Variants in SYNJ1 observed in about 807,000 individuals in gnomAD.
SYNJ1 encodes the protein synaptojanin 1, also known as polyphosphatidylinositol phosphatase SYNJ1.
In SYNJ1, 78 loss-of-function variants were observed where a neutral mutation model predicts 168.2. The observed-to-expected ratio is 0.46, with a 90% CI of 0.39 to 0.56. The LOEUF (loss-of-function observed/expected upper bound fraction) is 0.56. Ranked by LOEUF, SYNJ1 falls within the 20% of genes least tolerant of loss-of-function variation. The pLI, the probability that SYNJ1 is intolerant of heterozygous loss-of-function variation, is 0.00. For missense variants in SYNJ1, 1,303 were observed against 1,597.6 expected (o/e 0.82, Z 3.14); for synonymous variants, 539 against 548.6 (o/e 0.98, Z 0.24).
intron 19 of SYNJ1, 36 bp from the exon 20 acceptor site, chr21:32,657,156 G>A (rs1163234075): frequency 5.1e-6 from 7 of 1,378,898 alleles, no homozygotes; most frequent in Non-Finnish European, 7.2e-6. Flanking sequence ...AAGAGAAGCT[G>A]TATAAGCAGG....
At chr21:32,656,132 C>A (rs2040446296) in intron 21 of SYNJ1, among the ~76,000 whole-genome samples, 1 of 152,136 alleles carries the variant, frequency 6.6e-6, no homozygotes, top group African/African-American at 2.4e-5. Flanking sequence ...CAATTGTTCA[C>A]ATAAAGTTTC....
At chr21:32,634,992 G>C (rs1406475200) in intron 31 of SYNJ1, 108 bp from the exon 32 acceptor site, 1 of 1,074,948 alleles carries the variant, frequency 9.3e-7, no homozygotes, top group Non-Finnish European at 1.4e-6. Flanking sequence ...GTTACAGACA[G>C]AACCCAAGAG....
At chr21:32,668,624 A>G (rs1385076136) in intron 15 of SYNJ1, among the ~76,000 whole-genome samples, 1 of 152,248 alleles carries the variant, frequency 6.6e-6, no homozygotes, top group African/African-American at 2.4e-5. Flanking sequence ...ATTTCAGCCT[A>G]TAATTTTCTC....
chr21:32,717,069 C>T (rs1009410924), intron 2 of SYNJ1, among the ~76,000 whole-genome samples: 3 of 152,052 alleles, frequency 2.0e-5, no homozygotes, highest in Admixed American at 1.3e-4. Context: ...AAGTAATTCT[C>T]CTGCCTCAGC....
At position 32,685,033 on chromosome 21, in the gene SYNJ1, A is replaced by G. The variant is rs567691587; in HGVS notation, c.1118+715T>C. Among the ~76,000 whole-genome samples the G allele has an allele frequency of 5.1e-3, 777 of 151,710 alleles. 6 individuals are homozygous for G. Among genetic ancestry groups the G allele is most frequent in the African/African-American group, 0.018 (731 of 41,408 alleles). On this transcript the variant is annotated intron_variant, in intron 9 of 32. Transcript: ENST00000674351. ...TCTCTACTAAAAATACAAAAAAAAA[A>G]CAGCCGGGAGTGGTGGCGGGCGCTT... is the stretch of plus-strand genomic sequence containing the variant.
chr21:32,663,804 C>G (rs1450287805), intron 18 of SYNJ1, among the ~76,000 whole-genome samples: 4 of 152,186 alleles, frequency 2.6e-5, no homozygotes, highest in Non-Finnish European at 5.9e-5. Flanking sequence ...CTGGCAGAGC[C>G]TTGACTATAC....
Position 32,699,935 on chromosome 21 carries a change from A to G in SYNJ1, c.382T>C (p.Phe128Leu). 6.2e-7 allele frequency: 1 copy of G among 1,614,162 alleles called. No homozygotes were observed. Among genetic ancestry groups the G allele is most frequent in the Non-Finnish European group, 8.5e-7 (1 of 1,180,028 alleles). The change falls in exon 4 of 33, where the codon TTT becomes CTT. Residue 128 changes from phenylalanine to leucine, a missense_variant. Phe to Leu is a conservative substitution (Grantham distance 22). Coordinates refer to ENST00000674351, the MANE Select transcript of SYNJ1 (RefSeq NM_203446.3). ...EVRKVLNSGNFYFAWSASGIS... is the reference protein window; with the variant it reads ...EVRKVLNSGNLYFAWSASGIS... ...CCAGATGCAGACCATGCAAAATAAA[A>G]GTTTCCTGAATTCAAAACTTTCCGC...
rs752067458 is a variant in SYNJ1 at position 32,631,166 on chromosome 21, T to C, written c.*639A>G. On this transcript the variant is annotated 3_prime_UTR_variant, in exon 33 of 33. Transcript: ENST00000674351. The stretch of plus-strand genomic sequence containing the variant: ...TACCTTTATTCCAGTCATCATTCAA[T>C]GTCAGGTTGGAGCCAGAAAATGAAC... 1.9e-6 allele frequency: 3 copies of C among 1,614,224 alleles called. No individual in the cohort carries two copies. The South Asian group carries it at 3.3e-5, about 18-fold the overall frequency.
At chr21:32,671,778 C>A (rs547157236) in intron 14 of SYNJ1, among the ~76,000 whole-genome samples, 7 of 152,226 alleles carry the variant, frequency 4.6e-5, no homozygotes, top group African/African-American at 1.7e-4. Flanking sequence ...GCATTTTAGG[C>A]CAGGTGCAGT....
intron 3 of SYNJ1, among the ~76,000 whole-genome samples, chr21:32,700,836 G>A (rs767400297): frequency 2.0e-5 from 3 of 152,190 alleles, no homozygotes; most frequent in Non-Finnish European, 4.4e-5. Context: ...ACTATTATCA[G>A]CTGATGATGT....
chr21:32,678,502 G>T (rs2041498507), intron 12 of SYNJ1, 143 bp downstream of exon 12: 2 of 841,128 alleles, frequency 2.4e-6, no homozygotes, highest in African/African-American at 1.8e-5. Flanking sequence ...TTCCCTTGGA[G>T]AATGTACTTT....
intron 16 of SYNJ1, 132 bp from the exon 17 acceptor site, chr21:32,666,267 C>T: frequency 7.1e-7 from 1 of 1,413,164 alleles, no homozygotes; most frequent in Non-Finnish European, 9.6e-7. Context: ...TGAAATAGTA[C>T]AGTGAAGCTA....
chr21:32,727,673 A>G (rs1041312273), intron 1 of SYNJ1, among the ~76,000 whole-genome samples: 1 of 152,142 alleles, frequency 6.6e-6, no homozygotes, highest in Admixed American at 6.5e-5. Context: ...TATGCGCCAG[A>G]AGAGATACCC....
In SYNJ1 at chr21:32,687,092, GAAAT is replaced by G; in HGVS notation, c.852-22_852-19del. The G allele has an allele frequency of 1.5e-6, 2 of 1,331,830 alleles. No homozygotes were observed. Among genetic ancestry groups the G allele is most frequent in the Non-Finnish European group, 1.0e-6 (1 of 985,898 alleles). 82.5% of individuals were successfully genotyped at this position (1,331,830 alleles called of 1,614,324 possible). A position where few individuals can be genotyped will look rare whatever the true frequency, so the allele number is the denominator to read the frequency against. On this transcript the variant is annotated intron_variant, in intron 7 of 32. Transcript: ENST00000674351. Reference sequence around the variant, plus strand: ...TAAAATGCCTATTTAAGAAAGAAAGGAAATAAATACATGTCAAATAAGAAGCCCA... The same window carrying G: ...TAAAATGCCTATTTAAGAAAGAAAGGAAATACATGTCAAATAAGAAGCCCA...
At chr21:32,702,091 T>A (rs1176439593) in intron 2 of SYNJ1, 44 bp from the exon 3 acceptor site, 1 of 1,370,030 alleles carries the variant, frequency 7.3e-7, no homozygotes, top group East Asian at 2.3e-5. Flanking sequence ...CCTGAAACAT[T>A]GGATTCTATT....
chr21:32,667,289 A>G (rs1569066754), intron 15 of SYNJ1, among the ~76,000 whole-genome samples: 1 of 152,206 alleles, frequency 6.6e-6, no homozygotes, highest in Non-Finnish European at 1.5e-5. Flanking sequence ...TTTCTAAATT[A>G]TAACTAATGT....
At chr21:32,690,768 A>C (rs2041995279) in intron 6 of SYNJ1, among the ~76,000 whole-genome samples, 1 of 152,166 alleles carries the variant, frequency 6.6e-6, no homozygotes, top group South Asian at 2.1e-4. Flanking sequence ...ACTAAAATAC[A>C]AAAATTAGCT....
intron 11 of SYNJ1, among the ~76,000 whole-genome samples, chr21:32,680,611 T>C (rs559591290): frequency 6.6e-6 from 1 of 151,626 alleles, no homozygotes; most frequent in Non-Finnish European, 1.5e-5. Context: ...TATAATTAAG[T>C]CCATTCTTTT....
Position 32,673,393 on chromosome 21 carries a change from A to C in SYNJ1, c.1673T>G (p.Leu558Arg). The C allele has an allele frequency of 6.2e-7, 1 of 1,613,686 alleles. No homozygotes were observed. The highest frequency in any genetic ancestry group is 8.5e-7 in the Non-Finnish European group (1 of 1,179,834). Residue 558 changes from leucine (L) to arginine (R), a missense_variant, in exon 14 of 33, where the codon CTC becomes CGC. Leu to Arg is a moderately radical substitution (Grantham distance 102). Transcript: ENST00000674351. ...GGGTGCATCAAGAAGCCAGTCAGTG[A>C]GTGTCTGATTCTTAAAAGCTATGCT... is the stretch of plus-strand genomic sequence containing the variant. ...FRSIAFKNQT[L>R]TDWLLDAPKL...
Sources: gnomAD v4.1 joint callset for allele counts (sites outside exome capture counted in the v4.1 genomes callset) on GRCh38, gnomAD v4.1.1 for gene constraint, MANE v1.5 for transcripts, NCBI Gene and HGNC (gene_info 2026-07-23, HGNC 2026-07-21) for gene names.